Variants in DGLUCY observed in about 807,000 individuals in gnomAD.
The protein encoded by DGLUCY is D-glutamate cyclase, mitochondrial.
In DGLUCY, 58 loss-of-function variants were observed where a neutral mutation model predicts 58.5. The observed-to-expected ratio is 0.99, with a 90% CI of 0.80 to 1.23. DGLUCY has a LOEUF of 1.23. Among genes scored for constraint, DGLUCY ranks in the 50% most tolerant of loss-of-function variants. The pLI, the probability that DGLUCY is intolerant of heterozygous loss-of-function variation, is 0.00. For synonymous variants in DGLUCY, 325 were observed against 314.1 expected (o/e 1.03, Z -0.37); for missense variants, 779 against 784.7 (o/e 0.99, Z 0.09).
chr14:91,138,997 A>G (rs2046497279), intron 1 of DGLUCY, among the ~76,000 whole-genome samples: 1 of 152,234 alleles, frequency 6.6e-6, no homozygotes, highest in African/African-American at 2.4e-5. Context: ...CTCTGTTTCT[A>G]TTAGTCATTG....
intron 1 of DGLUCY, among the ~76,000 whole-genome samples, chr14:91,073,356 G>A (rs909143807): frequency 3.9e-5 from 6 of 152,088 alleles, no homozygotes; most frequent in African/African-American, 1.4e-4. Context: ...CACGAGAATT[G>A]CTTAAACCTG....
chr14:91,105,679 C>T (rs990926367), upstream of DGLUCY, among the ~76,000 whole-genome samples: 11 of 152,194 alleles, frequency 7.2e-5, no homozygotes, highest in African/African-American at 2.2e-4. Flanking sequence ...CTTCAAGGGG[C>T]GTCCTCAAAC....
rs1279898395 is a variant in DGLUCY at position 91,196,492 on chromosome 14, C to T, written c.1295+18C>T. 1.2e-6 allele frequency: 2 copies of T among 1,602,788 alleles called. No individual in the cohort carries two copies. The highest frequency in any genetic ancestry group is 1.7e-6 in the Non-Finnish European group (2 of 1,170,148). Reference sequence around the variant, plus strand: ...ACACCTAGGTACGTATGTCGCATCCCAGTTTAAGTGGCGGATGGTGGAAAC... The same window carrying T: ...ACACCTAGGTACGTATGTCGCATCCTAGTTTAAGTGGCGGATGGTGGAAAC... On this transcript the variant is annotated intron_variant, in intron 10 of 13. Coordinates refer to ENST00000256324, the MANE Select transcript of DGLUCY (RefSeq NM_001102368.3).
intron 13 of DGLUCY, chr14:91,223,732 A>G (rs1343038496): frequency 1.6e-5 from 20 of 1,285,076 alleles, no homozygotes; most frequent in Non-Finnish European, 1.8e-5. Flanking sequence ...AGCCCTGCCA[A>G]TAAAATCAAC....
chr14:91,106,256 C>T (rs952905327), upstream of DGLUCY, among the ~76,000 whole-genome samples: 8 of 151,654 alleles, frequency 5.3e-5, no homozygotes, highest in African/African-American at 1.9e-4. Flanking sequence ...TACAGTGAGC[C>T]AAGATCTGCC....
chr14:91,194,494 T>G (rs1017020053), intron 9 of DGLUCY, among the ~76,000 whole-genome samples: 4 of 149,396 alleles, frequency 2.7e-5, no homozygotes, highest in Non-Finnish European at 5.9e-5. Flanking sequence ...CACTTAGATG[T>G]GGGCTGAGGT....
chr14:91,102,278 G>A (rs2044500966), intron 1 of DGLUCY, among the ~76,000 whole-genome samples: 1 of 152,118 alleles, frequency 6.6e-6, no homozygotes, highest in African/African-American at 2.4e-5. Context: ...AAGGCTTCTG[G>A]AATGTCTTAC....
chr14:91,101,201 G>T (rs1170443509), intron 1 of DGLUCY, among the ~76,000 whole-genome samples: 1 of 152,028 alleles, frequency 6.6e-6, no homozygotes, highest in Non-Finnish European at 1.5e-5. Context: ...ATCATTGTTG[G>T]CTATAGGTAC....
chr14:91,164,560 G>A (rs1362483156), intron 3 of DGLUCY, among the ~76,000 whole-genome samples: 7 of 152,240 alleles, frequency 4.6e-5, no homozygotes, highest in Non-Finnish European at 1.0e-4. Context: ...CTCAAGCCCA[G>A]TAACGCCGTC....
At chr14:91,133,277 A>G (rs535337261) in intron 1 of DGLUCY, among the ~76,000 whole-genome samples, 12 of 152,238 alleles carry the variant, frequency 7.9e-5, no homozygotes, top group African/African-American at 2.6e-4. Context: ...CCTGGGTGAC[A>G]ACAGCAAGAC....
chr14:91,170,872 G>A (rs1005187588), intron 5 of DGLUCY, among the ~76,000 whole-genome samples: 1 of 152,188 alleles, frequency 6.6e-6, no homozygotes, highest in Non-Finnish European at 1.5e-5. Flanking sequence ...TTTATTTATG[G>A]AGGACTTGGA....
At chr14:91,105,827 A>T (rs2044578370), upstream of DGLUCY, among the ~76,000 whole-genome samples, 1 of 152,230 alleles carries the variant, frequency 6.6e-6, no homozygotes, top group Admixed American at 6.5e-5. Context: ...GTGCTTACAC[A>T]AACCTGGGTG....
At chr14:91,115,050 T>C (rs2044830689) in intron 1 of DGLUCY, 1 of 152,264 alleles carries the variant, frequency 6.6e-6, no homozygotes, top group African/African-American at 2.4e-5. Context: ...TCTGTCCTCT[T>C]TTACTACGGG....
Position 91,181,784 on chromosome 14 carries a change from T to C in DGLUCY, c.934+395T>C, listed in dbSNP as rs140620905. ...GTCTCAGCCTCCTGAGTAGCTGGGA[T>C]TACAGGCACGCTCCACCACACCTGG... is the stretch of plus-strand genomic sequence containing the variant. On this transcript the variant is annotated intron_variant, in intron 8 of 13. Coordinates refer to ENST00000256324, the MANE Select transcript of DGLUCY (RefSeq NM_001102368.3). 2.5e-3 allele frequency among the ~76,000 whole-genome samples: 367 copies of C among 148,212 alleles called. 2 individuals are homozygous for C. Among genetic ancestry groups the C allele is most frequent in the Non-Finnish European group, 4.1e-3 (274 of 66,974 alleles).
intron 13 of DGLUCY, chr14:91,223,818 C>A: frequency 2.7e-6 from 2 of 749,602 alleles, no homozygotes; most frequent in Non-Finnish European, 3.8e-6. Context: ...CAGAACAACC[C>A]TCTAAAGGAG....
chr14:91,137,756 C>G (rs2046427762), intron 1 of DGLUCY, among the ~76,000 whole-genome samples: 1 of 151,940 alleles, frequency 6.6e-6, no homozygotes, highest in African/African-American at 2.4e-5. Context: ...AGTAATATTT[C>G]TAGGTTTTAT....
intron 3 of DGLUCY, among the ~76,000 whole-genome samples, chr14:91,163,127 G>A (rs746951873): frequency 2.4e-4 from 36 of 152,122 alleles, no homozygotes; most frequent in Non-Finnish European, 4.0e-4. Flanking sequence ...AGGTGTGGGG[G>A]CATGCGCCTC....
intron 1 of DGLUCY, among the ~76,000 whole-genome samples, chr14:91,142,111 G>T (rs1176855269): frequency 2.6e-5 from 4 of 151,864 alleles, no homozygotes; most frequent in East Asian, 1.9e-4. Context: ...CTCCCAAAGT[G>T]CTGGGATTAC....
chr14:91,073,820 G>T (rs2043962751), intron 1 of DGLUCY, among the ~76,000 whole-genome samples: 1 of 152,030 alleles, frequency 6.6e-6, no homozygotes, highest in African/African-American at 2.4e-5. Context: ...AGGAGTTCGA[G>T]GCTGCAGTGA....
Sources: gnomAD v4.1 joint callset for allele counts (sites outside exome capture counted in the v4.1 genomes callset) on GRCh38, gnomAD v4.1.1 for gene constraint, MANE v1.5 for transcripts, NCBI Gene and HGNC (gene_info 2026-07-23, HGNC 2026-07-21) for gene names.